The following GPHN variants were observed in gnomAD, a reference collection of about 807,000 sequenced individuals.
GPHN encodes gephyrin.
A neutral mutation model predicts 95.5 loss-of-function variants in GPHN; 17 were observed. The ratio of observed to expected loss-of-function variants is 0.18; its 90% CI spans 0.12 to 0.27. The LOEUF is 0.27. GPHN is among the 10% of genes least tolerant of loss of function. The pLI is 1.00. For missense variants in GPHN, 660 were observed against 978.1 expected, an observed-to-expected ratio of 0.67 and a Z score of 4.34; for synonymous variants, 320 against 322.5, an observed-to-expected ratio of 0.99 and a Z score of 0.08.
chr14:66,696,081 T>G (rs1473419537), intron 2 of GPHN, among the ~76,000 whole-genome samples: 2 of 152,196 alleles, frequency 1.3e-5, no homozygotes, highest in Non-Finnish European at 2.9e-5. Flanking sequence ...ATGTTGATAA[T>G]GGGAGAAGCT....
the GPHN span, among the ~76,000 whole-genome samples, chr14:67,676,546 A>G: frequency 2.0e-5 from 3 of 152,238 alleles, no homozygotes; most frequent in South Asian, 6.2e-4. Context: ...CCTGGGCAAC[A>G]AAGCAAGACG....
At chr14:67,593,418 G>A in the GPHN span, 1 of 280,832 alleles carries the variant, frequency 3.6e-6, no homozygotes, top group South Asian at 3.8e-5. Flanking sequence ...TTGAGCCTGG[G>A]AAGTTGAGGC....
intron 9 of GPHN, among the ~76,000 whole-genome samples, chr14:66,977,179 C>T (rs1227624242): frequency 6.6e-6 from 1 of 152,096 alleles, no homozygotes; most frequent in African/African-American, 2.4e-5. Context: ...TGCCTGTAAT[C>T]CCAGTACTTT....
chr14:67,229,621 T>C, the GPHN span, among the ~76,000 whole-genome samples: 5 of 152,060 alleles, frequency 3.3e-5, no homozygotes, highest in Admixed American at 6.5e-5. Flanking sequence ...ATACCATAAG[T>C]GTAAAATATA....
At chr14:66,752,679 C>G (rs1481713780) in intron 2 of GPHN, among the ~76,000 whole-genome samples, 1 of 151,972 alleles carries the variant, frequency 6.6e-6, no homozygotes, top group Non-Finnish European at 1.5e-5. Flanking sequence ...GTTTTAAATA[C>G]TACGAGAATT....
intron 10 of GPHN, among the ~76,000 whole-genome samples, chr14:67,035,094 A>G (rs947741920): frequency 3.3e-5 from 5 of 152,004 alleles, no homozygotes; most frequent in African/African-American, 4.8e-5. Context: ...CATCAATAGC[A>G]GTAGGAAAAC....
the GPHN span, among the ~76,000 whole-genome samples, chr14:67,555,611 C>T: frequency 1.3e-5 from 2 of 152,208 alleles, no homozygotes; most frequent in Non-Finnish European, 2.9e-5. Flanking sequence ...GAGAGGACAG[C>T]AGCCACGGGC....
chr14:67,592,322 C>G, the GPHN span: 2 of 436,522 alleles, frequency 4.6e-6, no homozygotes, highest in Admixed American at 6.8e-5. Flanking sequence ...CACCTGTAGT[C>G]CCAAGTTCTC....
chr14:66,892,975 A>G (rs1277371663), intron 5 of GPHN, among the ~76,000 whole-genome samples: 2 of 152,108 alleles, frequency 1.3e-5, no homozygotes, highest in Non-Finnish European at 2.9e-5. Context: ...TTTTCTTGAA[A>G]CATTTCTGCA....
At chr14:66,794,289 C>T (rs904216264) in intron 3 of GPHN, among the ~76,000 whole-genome samples, 5 of 152,032 alleles carry the variant, frequency 3.3e-5, no homozygotes, top group African/African-American at 1.2e-4. Flanking sequence ...AAGTGTGTAG[C>T]CCCTTCCCAC....
At chr14:67,249,813 A>G in the GPHN span, among the ~76,000 whole-genome samples, 1 of 152,212 alleles carries the variant, frequency 6.6e-6, no homozygotes, top group Non-Finnish European at 1.5e-5. Context: ...TGTAAGAAGT[A>G]GGCAATCTGT....
At chr14:66,776,779 A>T (rs9323485) in intron 3 of GPHN, among the ~76,000 whole-genome samples, 1 of 152,016 alleles carries the variant, frequency 6.6e-6, no homozygotes, top group African/African-American at 2.4e-5. Context: ...AAAAATCTAC[A>T]TAAGAAAACA....
chr14:67,240,997 A>G, the GPHN span: 8 of 152,268 alleles, frequency 5.3e-5, no homozygotes, highest in African/African-American at 9.6e-5. Flanking sequence ...TACGTCATCC[A>G]GAGACAAGAG....
chr14:67,258,504 T>A, the GPHN span, among the ~76,000 whole-genome samples: 1 of 152,202 alleles, frequency 6.6e-6, no homozygotes, highest in Non-Finnish European at 1.5e-5. Flanking sequence ...TACTGCAGCC[T>A]TGACCTCCCC....
chr14:66,822,309 C>T (rs1397469762), intron 3 of GPHN, among the ~76,000 whole-genome samples: 3 of 152,116 alleles, frequency 2.0e-5, no homozygotes, highest in Admixed American at 6.5e-5. Flanking sequence ...TGAAATTTAC[C>T]CTTGAGTAAT....
intron 2 of GPHN, among the ~76,000 whole-genome samples, chr14:66,685,923 A>G (rs1244950748): frequency 1.3e-5 from 2 of 152,138 alleles, no homozygotes; most frequent in Admixed American, 1.3e-4. Flanking sequence ...TAATTTTTGT[A>G]TAAGGTGTAA....
chr14:66,579,324 A>G (rs2061050245), intron 1 of GPHN, among the ~76,000 whole-genome samples: 1 of 151,798 alleles, frequency 6.6e-6, no homozygotes, highest in Non-Finnish European at 1.5e-5. Flanking sequence ...AAAACAATGA[A>G]CAAAATGGCA....
intron 10 of GPHN, among the ~76,000 whole-genome samples, chr14:67,033,332 G>T (rs955299563): frequency 1.3e-5 from 2 of 152,226 alleles, no homozygotes; most frequent in Non-Finnish European, 2.9e-5. Flanking sequence ...GGGAGGCCAA[G>T]GCAGGCGGAT....
chr14:66,753,325 A>G (rs941552811), intron 2 of GPHN, among the ~76,000 whole-genome samples: 87 of 152,100 alleles, frequency 5.7e-4, no homozygotes, highest in African/African-American at 2.1e-3. Flanking sequence ...AGCTACTCCC[A>G]GGCCTGGACC....
Sources: gnomAD v4.1 joint callset for allele counts (sites outside exome capture counted in the v4.1 genomes callset) on GRCh38, gnomAD v4.1.1 for gene constraint, MANE v1.5 for transcripts, NCBI Gene and HGNC (gene_info 2026-07-23, HGNC 2026-07-21) for gene names.